SLC1A2: variants seen among roughly 807,000 people sequenced by gnomAD.
SLC1A2 encodes excitatory amino acid transporter 2.
SLC1A2 carries 15 observed loss-of-function variants against 48.8 expected under a neutral mutation model. The ratio of observed to expected loss-of-function variants is 0.31; its 90% CI spans 0.21 to 0.47. SLC1A2 has a LOEUF of 0.47. SLC1A2 is among the 20% of genes least tolerant of loss of function. SLC1A2 has a pLI of 0.99. For synonymous variants in SLC1A2, 279 were observed against 272.6 expected (o/e 1.02, Z -0.23); for missense variants, 502 against 730.5 (o/e 0.69, Z 3.61).
At chr11:35,281,928 G>T (rs182312135) in intron 8 of SLC1A2, 76 of 152,268 alleles carry the variant, frequency 5.0e-4, no homozygotes, top group African/African-American at 1.6e-3. Flanking sequence ...AAGGGGGACT[G>T]CTTTCTTTGT....
chr11:35,351,631 T>TTA (rs1555012467), intron 1 of SLC1A2, among the ~76,000 whole-genome samples: 2 of 152,186 alleles, frequency 1.3e-5, no homozygotes, highest in Non-Finnish European at 2.9e-5. Context: ...TATTTTTTAT[T>TTA]TTTATTTATT....
intron 9 of SLC1A2, among the ~76,000 whole-genome samples, chr11:35,268,231 G>C (rs1162289188): frequency 6.6e-6 from 1 of 152,066 alleles, no homozygotes; most frequent in Non-Finnish European, 1.5e-5. Context: ...AGAATGCTGA[G>C]GTCTTTCAGA....
At chr11:35,274,174 A>G (rs1240348598) in intron 9 of SLC1A2, among the ~76,000 whole-genome samples, 1 of 152,228 alleles carries the variant, frequency 6.6e-6, no homozygotes, top group African/African-American at 2.4e-5. Context: ...GATGAAGGGG[A>G]GACGACTTCT....
In SLC1A2 at chr11:35,251,376, C is replaced by G. The variant is rs190188127; in HGVS notation, c.*9518G>C. The G allele has an allele frequency of 6.6e-6, 1 of 152,544 alleles. No homozygotes were observed. Among genetic ancestry groups the G allele is most frequent in the Non-Finnish European group, 1.5e-5 (1 of 68,022 alleles). 9.4% of individuals were successfully genotyped at this position (152,544 alleles called of 1,614,324 possible). A position where few individuals can be genotyped will look rare whatever the true frequency, so the allele number is the denominator to read the frequency against. The stretch of plus-strand genomic sequence containing the variant: ...GTAAGAAAGCTTAGAAAGCTAAAGG[C>G]GAAAACAAAAGACCTCAACTACCCA... On this transcript the variant is annotated 3_prime_UTR_variant, in exon 11 of 11. Coordinates refer to ENST00000278379, the MANE Select transcript of SLC1A2 (RefSeq NM_004171.4).
intron 7 of SLC1A2, among the ~76,000 whole-genome samples, chr11:35,288,049 G>C (rs747365474): frequency 1.8e-4 from 28 of 152,182 alleles, no homozygotes; most frequent in Non-Finnish European, 3.7e-4. Flanking sequence ...TGACCAAACT[G>C]GACATAGATC....
chr11:35,390,225 A>C (rs972564794), intron 1 of SLC1A2, among the ~76,000 whole-genome samples: 2 of 152,198 alleles, frequency 1.3e-5, no homozygotes. Context: ...TCTGTGTGCA[A>C]TCTACAGTAA....
intron 5 of SLC1A2, among the ~76,000 whole-genome samples, chr11:35,304,596 C>T (rs1359980249): frequency 6.6e-6 from 1 of 152,092 alleles, no homozygotes; most frequent in Non-Finnish European, 1.5e-5. Flanking sequence ...CTAGTCAGCT[C>T]ATCTCTTCCC....
chr11:35,277,884 T>A (rs1328881626), intron 9 of SLC1A2, among the ~76,000 whole-genome samples: 1 of 152,252 alleles, frequency 6.6e-6, no homozygotes, highest in Non-Finnish European at 1.5e-5. Flanking sequence ...TGTCTTTATT[T>A]CCCTTTTGTC....
intron 3 of SLC1A2, among the ~76,000 whole-genome samples, chr11:35,313,274 C>T (rs1000798279): frequency 2.6e-5 from 4 of 152,128 alleles, no homozygotes; most frequent in Admixed American, 6.5e-5. Flanking sequence ...CTGAGAATAA[C>T]GATTTTGCCC....
chr11:35,354,883 T>C (rs1001163010), intron 1 of SLC1A2, among the ~76,000 whole-genome samples: 1 of 152,166 alleles, frequency 6.6e-6, no homozygotes, highest in African/African-American at 2.4e-5. Flanking sequence ...ACATGACACA[T>C]CTTCCACGAA....
chr11:35,364,744 C>T (rs776216162), intron 1 of SLC1A2, among the ~76,000 whole-genome samples: 2 of 152,196 alleles, frequency 1.3e-5, no homozygotes, highest in Non-Finnish European at 2.9e-5. Flanking sequence ...CCTGGAACAT[C>T]ACCTGCACTC....
intron 1 of SLC1A2, among the ~76,000 whole-genome samples, chr11:35,349,549 A>G (rs566363657): frequency 2.6e-5 from 4 of 152,260 alleles, no homozygotes; most frequent in African/African-American, 9.6e-5. Context: ...AAATAAAGAG[A>G]GAGAAGAGCT....
intron 9 of SLC1A2, among the ~76,000 whole-genome samples, chr11:35,271,744 G>A (rs960186602): frequency 3.3e-5 from 5 of 152,192 alleles, no homozygotes; most frequent in African/African-American, 1.2e-4. Context: ...TCTGGAGGCT[G>A]AGGTGGGAGA....
chr11:35,327,112 C>G (rs1852275413), intron 1 of SLC1A2, among the ~76,000 whole-genome samples: 1 of 152,212 alleles, frequency 6.6e-6, no homozygotes, highest in African/African-American at 2.4e-5. Context: ...CACAGCGTTT[C>G]TTGAATGCTA....
intron 1 of SLC1A2, among the ~76,000 whole-genome samples, chr11:35,353,684 A>G (rs1853349238): frequency 6.6e-6 from 1 of 152,228 alleles, no homozygotes; most frequent in Non-Finnish European, 1.5e-5. Context: ...GCAAGGGTGG[A>G]CATGAGCTAG....
chr11:35,405,625 A>C (rs1294941690), intron 1 of SLC1A2, among the ~76,000 whole-genome samples: 1 of 152,214 alleles, frequency 6.6e-6, no homozygotes, highest in East Asian at 1.9e-4. Context: ...TTTTCTGATG[A>C]AATTTCATTG....
In SLC1A2 at chr11:35,252,428, C is replaced by G. The variant is rs986165847; in HGVS notation, c.*8466G>C. ...ATGGATGTTCTCATTCTAAACCTAC[C>G]TAAGTCTAGGTAATCAAAAGTTCCA... is the stretch of plus-strand genomic sequence containing the variant. On this transcript the variant is annotated 3_prime_UTR_variant, in exon 11 of 11. Transcript: ENST00000278379. 6.6e-6 allele frequency: 1 copy of G among 152,118 alleles called. No individual in the cohort carries two copies. The highest frequency in any genetic ancestry group is 2.4e-5 in the African/African-American group (1 of 41,426). The allele number at this position is 152,118 out of a possible 1,614,324, so 9.4% of individuals were successfully genotyped here.
intron 2 of SLC1A2, chr11:35,315,972 C>A (rs1258029338): frequency 2.0e-5 from 3 of 152,184 alleles, no homozygotes; most frequent in Non-Finnish European, 2.9e-5. Flanking sequence ...ATTGACCAAG[C>A]TAGTGTGAAT....
At chr11:35,371,507 A>C (rs937697945) in intron 1 of SLC1A2, among the ~76,000 whole-genome samples, 1 of 152,150 alleles carries the variant, frequency 6.6e-6, no homozygotes. Context: ...TGAACCTGTG[A>C]CTTCGTTTCC....
Sources: gnomAD v4.1 joint callset for allele counts (sites outside exome capture counted in the v4.1 genomes callset) on GRCh38, gnomAD v4.1.1 for gene constraint, MANE v1.5 for transcripts, NCBI Gene and HGNC (gene_info 2026-07-23, HGNC 2026-07-21) for gene names.